The following SETBP1 variants were observed in gnomAD, a reference collection of about 807,000 sequenced individuals.
SETBP1 encodes SET-binding protein.
SETBP1 carries 9 observed loss-of-function variants against 101.0 expected under a neutral mutation model. The observed-to-expected ratio is 0.09, with a 90% CI of 0.05 to 0.16. The LOEUF (loss-of-function observed/expected upper bound fraction) is 0.16. Among genes scored for constraint, SETBP1 ranks in the 10% least tolerant of loss-of-function variants. The pLI is 1.00. For missense variants in SETBP1, 1,858 were observed against 2,033.8 expected (o/e 0.91, Z 1.66); for synonymous variants, 818 against 788.5 (o/e 1.04, Z -0.63).
At chr18:45,005,133 T>C (rs72913346) in intron 4 of SETBP1, among the ~76,000 whole-genome samples, 9,271 of 152,106 alleles carry the variant, frequency 0.061, 405 homozygotes, top group Non-Finnish European at 0.086. Flanking sequence ...ACAAGAAAAA[T>C]AATATATAGG....
chr18:44,729,007 C>T (rs11875595), intron 2 of SETBP1, among the ~76,000 whole-genome samples: 32,014 of 152,102 alleles, frequency 0.21, 3,738 homozygotes, highest in East Asian at 0.32. Flanking sequence ...TTCAAGTAGT[C>T]TCCATAAAAC....
intron 1 of SETBP1, among the ~76,000 whole-genome samples, chr18:44,698,762 A>C (rs1450230872): frequency 6.6e-6 from 1 of 152,178 alleles, no homozygotes; most frequent in Non-Finnish European, 1.5e-5. Flanking sequence ...GATTTGTCAA[A>C]TCTCTCATCA....
chr18:44,869,157 T>G, intron 2 of SETBP1, 73 bp from the exon 3 acceptor site: 1 of 1,317,232 alleles, frequency 7.6e-7, no homozygotes, highest in Non-Finnish European at 1.1e-6. Flanking sequence ...AGTCCATTGC[T>G]GGTCAGTTGT....
intron 5 of SETBP1, among the ~76,000 whole-genome samples, chr18:45,041,707 A>G (rs1351825247): frequency 6.6e-6 from 1 of 152,212 alleles, no homozygotes; most frequent in African/African-American, 2.4e-5. Flanking sequence ...CACACCTGTC[A>G]TCCCAGCATT....
chr18:44,862,724 C>T (rs1311323909), intron 2 of SETBP1, among the ~76,000 whole-genome samples: 1 of 152,172 alleles, frequency 6.6e-6, no homozygotes, highest in East Asian at 1.9e-4. Context: ...TCCCCTCTGA[C>T]CTTCTGATTA....
At chr18:44,695,744 G>T (rs1378473302) in intron 1 of SETBP1, among the ~76,000 whole-genome samples, 2 of 152,102 alleles carry the variant, frequency 1.3e-5, no homozygotes, top group Non-Finnish European at 2.9e-5. Flanking sequence ...AGGTGCACGT[G>T]TTGTTCATGT....
intron 5 of SETBP1, among the ~76,000 whole-genome samples, chr18:45,042,330 A>G (rs1338473780): frequency 1.3e-5 from 2 of 152,052 alleles, no homozygotes; most frequent in East Asian, 3.9e-4. Context: ...TTGTATTTTT[A>G]GTAGAGGCGG....
intron 3 of SETBP1, among the ~76,000 whole-genome samples, chr18:44,895,497 G>A (rs891363518): frequency 6.6e-6 from 1 of 152,102 alleles, no homozygotes; most frequent in African/African-American, 2.4e-5. Context: ...AGTCTTCTCT[G>A]TTGAGTGATT....
chr18:44,942,428 A>G (rs768293023), intron 3 of SETBP1, among the ~76,000 whole-genome samples: 1 of 152,156 alleles, frequency 6.6e-6, no homozygotes, highest in Non-Finnish European at 1.5e-5. Flanking sequence ...GTTCCTTTCT[A>G]CATAGCTCCC....
At chr18:44,802,928 T>A in intron 2 of SETBP1, among the ~76,000 whole-genome samples, 1 of 152,174 alleles carries the variant, frequency 6.6e-6, no homozygotes, top group Non-Finnish European at 1.5e-5. Flanking sequence ...AGGAATCAGC[T>A]ATGTTCCCCT....
chr18:44,883,677 G>A (rs2069580225), intron 3 of SETBP1, among the ~76,000 whole-genome samples: 1 of 152,192 alleles, frequency 6.6e-6, no homozygotes, highest in Non-Finnish European at 1.5e-5. Flanking sequence ...GCAATTTTAA[G>A]TGCTTTCTTA....
At chr18:44,698,712 T>C in intron 1 of SETBP1, among the ~76,000 whole-genome samples, 1 of 152,254 alleles carries the variant, frequency 6.6e-6, no homozygotes, top group East Asian at 1.9e-4. Context: ...GATTCTGTCC[T>C]TTCTTACAGT....
At chr18:44,947,231 C>T (rs910798819) in intron 3 of SETBP1, among the ~76,000 whole-genome samples, 2 of 151,938 alleles carry the variant, frequency 1.3e-5, no homozygotes, top group African/African-American at 4.8e-5. Context: ...GGGGTGTCTC[C>T]CTGGGATTGA....
At chr18:44,865,147 G>A (rs1463645446) in intron 2 of SETBP1, among the ~76,000 whole-genome samples, 1 of 152,180 alleles carries the variant, frequency 6.6e-6, no homozygotes, top group African/African-American at 2.4e-5. Flanking sequence ...GGTGCTCAGG[G>A]TTAGCAGACT....
At position 45,063,275 on chromosome 18, in the gene SETBP1, T is replaced by C. The variant is rs149745878; in HGVS notation, c.4368T>C (p.Arg1456=). ...GNNFVKKRRG[R]PRKQPTQFDE... ...ACTTCGTGAAGAAGAGGCGCGGGCG[T>C]CCCAGGAAGCAGCCCACCCAGTTCG... is the stretch of plus-strand genomic sequence containing the variant. The change falls in exon 6 of 6, where the codon CGT becomes CGC. Residue 1456 remains arginine (R), a synonymous_variant. Coordinates refer to ENST00000649279, the MANE Select transcript of SETBP1 (RefSeq NM_015559.3). 496 of 1,610,714 alleles carry C rather than the reference T, an allele frequency of 3.1e-4. 1 individual carries two copies. In the African/African-American group the frequency reaches 6.0e-3, roughly 19 times the overall value.
intron 3 of SETBP1, among the ~76,000 whole-genome samples, chr18:44,911,344 C>T (rs991927674): frequency 1.1e-4 from 17 of 152,080 alleles, no homozygotes; most frequent in Admixed American, 2.0e-4. Context: ...CATTACTTTT[C>T]GTTGCAAAAA....
intron 2 of SETBP1, among the ~76,000 whole-genome samples, chr18:44,846,840 T>C (rs998297003): frequency 6.6e-6 from 1 of 152,234 alleles, no homozygotes; most frequent in African/African-American, 2.4e-5. Flanking sequence ...AAAATCAGTT[T>C]TAGTCTCTCC....
chr18:44,923,963 C>T (rs763582550), intron 3 of SETBP1, among the ~76,000 whole-genome samples: 108 of 152,130 alleles, frequency 7.1e-4, no homozygotes, highest in Non-Finnish European at 3.2e-4. Flanking sequence ...TGTTGAGGTG[C>T]ATTTGCAGAA....
intron 3 of SETBP1, among the ~76,000 whole-genome samples, chr18:44,888,060 C>G (rs924058766): frequency 1.3e-5 from 2 of 152,102 alleles, no homozygotes; most frequent in African/African-American, 4.8e-5. Flanking sequence ...GAAGAGCAGT[C>G]AATCTCCATC....
Sources: allele counts gnomAD v4.1 joint callset (sites outside exome capture counted in the v4.1 genomes callset), GRCh38; gene constraint gnomAD v4.1.1; transcripts MANE v1.5; gene names NCBI Gene and HGNC (gene_info 2026-07-23, HGNC 2026-07-21).